The following PINX1 variants were observed in gnomAD, a reference collection of about 807,000 sequenced individuals.
PINX1 encodes PIN2/TERF1-interacting telomerase inhibitor 1.
Under a neutral mutation model 25.4 loss-of-function variants are expected in PINX1, and 34 were observed. The observed-to-expected ratio is 1.34, with a 90% CI of 1.02 to 1.78. The LOEUF (loss-of-function observed/expected upper bound fraction) is 1.78. Ranked by LOEUF, PINX1 falls within the 40% of genes most tolerant of loss-of-function variation. The pLI is 0.00. For missense variants in PINX1, 592 were observed against 404.9 expected, an observed-to-expected ratio of 1.46 and a Z score of -3.97; for synonymous variants, 197 against 147.7, an observed-to-expected ratio of 1.33 and a Z score of -2.42.
At chr8:10,798,751 G>A (rs549400877) in intron 6 of PINX1, among the ~76,000 whole-genome samples, 27 of 152,278 alleles carry the variant, frequency 1.8e-4, no homozygotes, top group Admixed American at 4.6e-4. Flanking sequence ...TAATGGCCTG[G>A]TCACTGTTTC....
At chr8:10,777,347 C>G (rs758332445) in intron 6 of PINX1, among the ~76,000 whole-genome samples, 2 of 152,220 alleles carry the variant, frequency 1.3e-5, no homozygotes, top group Non-Finnish European at 2.9e-5. Context: ...AGGCCCAAGC[C>G]CCGTTTGAAG....
intron 6 of PINX1, among the ~76,000 whole-genome samples, chr8:10,780,252 T>C (rs1351315898): frequency 6.6e-6 from 1 of 152,190 alleles, no homozygotes; most frequent in African/African-American, 2.4e-5. Context: ...CAGTACTATG[T>C]TGAACAGAAA....
intron 6 of PINX1, among the ~76,000 whole-genome samples, chr8:10,806,498 A>C (rs1297099949): frequency 6.6e-6 from 1 of 152,200 alleles, no homozygotes; most frequent in African/African-American, 2.4e-5. Flanking sequence ...ATGTATTGAG[A>C]GGAAACAGTT....
chr8:10,796,358 A>G (rs1563215739), intron 6 of PINX1, among the ~76,000 whole-genome samples: 1 of 152,180 alleles, frequency 6.6e-6, no homozygotes, highest in Admixed American at 6.5e-5. Flanking sequence ...AATTTCAACC[A>G]GAGTAGAGAC....
At chr8:10,824,136 C>T (rs1276643152) in intron 5 of PINX1, among the ~76,000 whole-genome samples, 1 of 152,136 alleles carries the variant, frequency 6.6e-6, no homozygotes, top group Non-Finnish European at 1.5e-5. Flanking sequence ...TAAAACAGAA[C>T]CTACCTTAGA....
intron 6 of PINX1, among the ~76,000 whole-genome samples, chr8:10,778,542 T>C (rs1012682516): frequency 6.6e-6 from 1 of 152,314 alleles, no homozygotes; most frequent in Admixed American, 6.5e-5. Flanking sequence ...AATGCCAGCA[T>C]GTTGTTTTAT....
intron 1 of PINX1, among the ~76,000 whole-genome samples, chr8:10,838,778 T>A (rs990917480): frequency 6.6e-6 from 1 of 152,222 alleles, no homozygotes; most frequent in Non-Finnish European, 1.5e-5. Context: ...CAGAGATAAC[T>A]GGATCAATTT....
chr8:10,795,209 A>G lies in PINX1; in HGVS notation c.471+24984T>C, dbSNP rs548818646. 6.6e-5 allele frequency among the ~76,000 whole-genome samples: 10 copies of G among 152,318 alleles called. No homozygotes were observed. In the East Asian group the frequency reaches 1.7e-3, roughly 26 times the overall value. On this transcript the variant is annotated intron_variant, in intron 6 of 6. Transcript: ENST00000314787. ...GAAAATTCACCAAATCTCCAGGGCT[A>G]AGGATTATCAAACCTCTGCCTCTGC...
rs542498036 is a variant in PINX1 at position 10,817,757 on chromosome 8, T to C, written c.471+2436A>G. On this transcript the variant is annotated intron_variant, in intron 6 of 6. Coordinates refer to ENST00000314787, the MANE Select transcript of PINX1 (RefSeq NM_017884.6). ...GCTTCCTGAGTTGGAATCTGCAGTT[T>C]GACAGGGAAGACCTGTACACACGGC... Among the ~76,000 whole-genome samples the C allele has an allele frequency of 1.1e-4, 17 of 152,216 alleles. No homozygotes were observed. The South Asian group carries it at 2.1e-3, about 19-fold the overall frequency.
At chr8:10,768,138 G>A (rs111604089) in intron 6 of PINX1, among the ~76,000 whole-genome samples, 1 of 150,292 alleles carries the variant, frequency 6.7e-6, no homozygotes, top group Non-Finnish European at 1.5e-5. Context: ...CGGTGACCAG[G>A]CACCCTCACA....
At chr8:10,787,570 T>C in intron 6 of PINX1, 2 of 245,656 alleles carry the variant, frequency 8.1e-6, no homozygotes, top group Non-Finnish European at 1.6e-5. Flanking sequence ...GAGTTTACAA[T>C]ATTATTATCT....
chr8:10,814,010 G>C (rs963209317), intron 6 of PINX1, among the ~76,000 whole-genome samples: 2 of 152,110 alleles, frequency 1.3e-5, no homozygotes, highest in South Asian at 2.1e-4. Context: ...AGTGAGAGAA[G>C]ACACACGCTT....
intron 6 of PINX1, among the ~76,000 whole-genome samples, chr8:10,811,713 C>T (rs1480476346): frequency 1.3e-5 from 2 of 152,166 alleles, no homozygotes; most frequent in African/African-American, 2.4e-5. Context: ...ATGGTCTCTC[C>T]ACGGGGGCTT....
chr8:10,818,764 T>C (rs944182643), intron 6 of PINX1, among the ~76,000 whole-genome samples: 9 of 151,986 alleles, frequency 5.9e-5, no homozygotes, highest in African/African-American at 2.2e-4. Flanking sequence ...GGGGCAGCTG[T>C]TGGGCAGAGC....
chr8:10,787,830 A>G (rs1586152350), intron 6 of PINX1: 1 of 456,204 alleles, frequency 2.2e-6, no homozygotes, highest in East Asian at 6.9e-5. Flanking sequence ...AATAAACTGC[A>G]AAGAAAAAAG....
intron 6 of PINX1, among the ~76,000 whole-genome samples, chr8:10,767,537 G>C (rs1237711858): frequency 1.3e-5 from 2 of 152,202 alleles, no homozygotes; most frequent in South Asian, 2.1e-4. Flanking sequence ...GAATTCCATA[G>C]GGTGATTTTG....
At chr8:10,775,410 G>GTTTTTTTTTTT (rs143926728) in intron 6 of PINX1, among the ~76,000 whole-genome samples, 8 of 109,612 alleles carry the variant, frequency 7.3e-5, no homozygotes, top group African/African-American at 1.3e-4. Context: ...CTGTTTTGTG[G>GTTTTTTTTTTT]TTTTTTTTTT....
intron 5 of PINX1, among the ~76,000 whole-genome samples, chr8:10,823,517 T>TA (rs150462634): frequency 0.015 from 2,290 of 150,296 alleles, 71 homozygotes; most frequent in African/African-American, 0.053. Context: ...CCTTTTGCAT[T>TA]AAAAAAAAAT....
At chr8:10,793,914 A>G (rs138771416) in intron 6 of PINX1, among the ~76,000 whole-genome samples, 1 of 152,340 alleles carries the variant, frequency 6.6e-6, no homozygotes, top group African/African-American at 2.4e-5. Flanking sequence ...TATTGCAATG[A>G]GTATCTAGTA....
Sources: allele counts gnomAD v4.1 joint callset (sites outside exome capture counted in the v4.1 genomes callset), GRCh38; gene constraint gnomAD v4.1.1; transcripts MANE v1.5; gene names NCBI Gene and HGNC (gene_info 2026-07-23, HGNC 2026-07-21).